ARIH1: variants seen among roughly 807,000 people sequenced by gnomAD.
ARIH1 encodes the protein ariadne RBR E3 ubiquitin protein ligase 1, also known as E3 ubiquitin-protein ligase ARIH1.
In ARIH1, 8 loss-of-function variants were observed where a neutral mutation model predicts 85.0. The ratio of observed to expected loss-of-function variants is 0.09; its 90% CI spans 0.06 to 0.17. ARIH1 has a LOEUF of 0.17. Ranked by LOEUF, ARIH1 falls within the 10% of genes least tolerant of loss-of-function variation. The pLI, the probability that ARIH1 is intolerant of heterozygous loss-of-function variation, is 1.00. For synonymous variants in ARIH1, 238 were observed against 253.6 expected, an observed-to-expected ratio of 0.94 and a Z score of 0.59; for missense variants, 311 against 718.1, an observed-to-expected ratio of 0.43 and a Z score of 6.48.
At chr15:72,503,788 TGCAGGAG>T (rs1270745149) in intron 1 of ARIH1, among the ~76,000 whole-genome samples, 2 of 152,322 alleles carry the variant, frequency 1.3e-5, no homozygotes, top group East Asian at 3.9e-4. Flanking sequence ...CTCAACCCCT[TGCAGGAG>T]GGAGCACGTG....
At chr15:72,522,553 TA>T (rs111821373) in intron 2 of ARIH1, among the ~76,000 whole-genome samples, 3 of 149,948 alleles carry the variant, frequency 2.0e-5, no homozygotes, top group South Asian at 2.1e-4. Flanking sequence ...GAGAATGAGG[TA>T]AAAAAAAGGA....
intron 1 of ARIH1, among the ~76,000 whole-genome samples, chr15:72,493,272 G>C (rs12905456): frequency 0.022 from 3,353 of 152,178 alleles, 42 homozygotes; most frequent in Non-Finnish European, 0.027. Context: ...CACTTTTTGG[G>C]GGGGGAGGTC....
chr15:72,520,280 A>G (rs1033487465), intron 2 of ARIH1, among the ~76,000 whole-genome samples: 1 of 152,130 alleles, frequency 6.6e-6, no homozygotes, highest in East Asian at 1.9e-4. Flanking sequence ...TTTAAAATCA[A>G]TATGCAATAT....
intron 3 of ARIH1, among the ~76,000 whole-genome samples, chr15:72,547,189 A>G (rs1271567031): frequency 1.3e-5 from 2 of 150,800 alleles, no homozygotes; most frequent in African/African-American, 4.9e-5. Context: ...AGCATGCCAA[A>G]GTGCTGGGAT....
chr15:72,558,079 T>C (rs552989908), intron 5 of ARIH1, among the ~76,000 whole-genome samples: 1 of 152,326 alleles, frequency 6.6e-6, no homozygotes, highest in African/African-American at 2.4e-5. Flanking sequence ...AGTACTATGT[T>C]GAATAGGAGT....
intron 1 of ARIH1, among the ~76,000 whole-genome samples, chr15:72,475,986 T>C (rs2063793537): frequency 6.6e-6 from 1 of 152,168 alleles, no homozygotes; most frequent in Admixed American, 6.5e-5. Context: ...GTCAGGGATA[T>C]GGCTGAAGAA....
intron 2 of ARIH1, among the ~76,000 whole-genome samples, chr15:72,540,362 A>G (rs13329347): frequency 0.011 from 1,611 of 152,114 alleles, 20 homozygotes; most frequent in African/African-American, 0.036. Context: ...GGGATGATCA[A>G]TGTATTATTT....
chr15:72,569,557 A>G (rs868753422), intron 9 of ARIH1, among the ~76,000 whole-genome samples: 3 of 152,146 alleles, frequency 2.0e-5, no homozygotes, highest in Non-Finnish European at 4.4e-5. Flanking sequence ...CTTCTTTATA[A>G]TTTTTCTCTC....
At chr15:72,502,146 CTTTGG>C (rs962360094) in intron 1 of ARIH1, among the ~76,000 whole-genome samples, 1 of 152,132 alleles carries the variant, frequency 6.6e-6, no homozygotes, top group Non-Finnish European at 1.5e-5. Flanking sequence ...TCTCTCCCCA[CTTTGG>C]TTTGCCGCTG....
intron 3 of ARIH1, among the ~76,000 whole-genome samples, chr15:72,552,424 A>G (rs2064156572): frequency 6.6e-6 from 1 of 152,030 alleles, no homozygotes; most frequent in Admixed American, 6.6e-5. Flanking sequence ...AGTAGCTGGG[A>G]TTACAGGCAT....
chr15:72,555,520 G>C (rs969025107), intron 4 of ARIH1, among the ~76,000 whole-genome samples, 157 bp downstream of exon 4: 1 of 152,138 alleles, frequency 6.6e-6, no homozygotes, highest in South Asian at 2.1e-4. Context: ...AAGTAATGTG[G>C]CATTCCAGTT....
chr15:72,588,462 G>A lies in ARIH1; in HGVS notation c.*5170G>A, dbSNP rs1256580052. 1 of 152,204 alleles carries A rather than the reference G, an allele frequency of 6.6e-6. No homozygotes were observed. The highest frequency in any genetic ancestry group is 1.5e-5 in the Non-Finnish European group (1 of 68,026). The allele number at this position is 152,204 out of a possible 1,614,324, so 9.4% of individuals were successfully genotyped here. ...CTTTGGGTAGGCATCAGTAATTTTTGTAAAGCCCTTTACGCATTCTCACCC... is the reference window on the plus strand; with the variant it reads ...CTTTGGGTAGGCATCAGTAATTTTTATAAAGCCCTTTACGCATTCTCACCC... On this transcript the variant is annotated 3_prime_UTR_variant, in exon 14 of 14. Coordinates refer to ENST00000379887, the MANE Select transcript of ARIH1 (RefSeq NM_005744.5).
chr15:72,518,375 G>C (rs1476841455), intron 2 of ARIH1, among the ~76,000 whole-genome samples: 1 of 148,572 alleles, frequency 6.7e-6, no homozygotes, highest in South Asian at 2.1e-4. Context: ...TTGGGGGTGT[G>C]CTTCAGTATC....
At chr15:72,539,210 C>T (rs2064095938) in intron 2 of ARIH1, among the ~76,000 whole-genome samples, 3 of 152,178 alleles carry the variant, frequency 2.0e-5, no homozygotes, top group African/African-American at 7.2e-5. Flanking sequence ...CAATGATTTA[C>T]ATAGAAGCCA....
intron 1 of ARIH1, 107 bp downstream of exon 1, chr15:72,475,121 C>T: frequency 1.4e-6 from 2 of 1,459,728 alleles, no homozygotes; most frequent in Non-Finnish European, 9.1e-7. Flanking sequence ...CAGCCTAGCC[C>T]GGTGCCTCCC....
At chr15:72,503,399 T>C (rs879433186) in intron 1 of ARIH1, among the ~76,000 whole-genome samples, 4 of 152,204 alleles carry the variant, frequency 2.6e-5, no homozygotes, top group South Asian at 2.1e-4. Flanking sequence ...AGTGGCAACT[T>C]CCTGATTCAA....
chr15:72,529,523 A>G (rs1356399795), intron 2 of ARIH1, among the ~76,000 whole-genome samples: 1 of 152,238 alleles, frequency 6.6e-6, no homozygotes, highest in Non-Finnish European at 1.5e-5. Flanking sequence ...TTTAAATATC[A>G]GCTATGTTTA....
At chr15:72,537,026 T>A (rs1048710933) in intron 2 of ARIH1, among the ~76,000 whole-genome samples, 3 of 152,300 alleles carry the variant, frequency 2.0e-5, no homozygotes, top group South Asian at 2.1e-4. Context: ...CATTTTTTTT[T>A]AGAGATTAGC....
At chr15:72,500,871 A>G (rs2063899953) in intron 1 of ARIH1, among the ~76,000 whole-genome samples, 1 of 152,244 alleles carries the variant, frequency 6.6e-6, no homozygotes, top group Non-Finnish European at 1.5e-5. Context: ...TTGCAGTACC[A>G]TTAACTTCTA....
Sources: allele counts gnomAD v4.1 joint callset (sites outside exome capture counted in the v4.1 genomes callset), GRCh38; gene constraint gnomAD v4.1.1; transcripts MANE v1.5; gene names NCBI Gene and HGNC (gene_info 2026-07-23, HGNC 2026-07-21).